Variants in FAF2 observed in about 807,000 individuals in gnomAD.
FAF2 encodes Fas associated factor family member 2, also known as FAS-associated factor 2.
FAF2 carries 9 observed loss-of-function variants against 62.3 expected under a neutral mutation model. The observed-to-expected ratio is 0.14, with a 90% CI of 0.09 to 0.25. FAF2 has a LOEUF of 0.25. Among genes scored for constraint, FAF2 ranks in the 10% least tolerant of loss-of-function variants. The probability of loss-of-function intolerance (pLI) is 1.00; values close to 1 mark genes in which losing one functional copy is unlikely to be tolerated. For missense variants in FAF2, 368 were observed against 556.2 expected (o/e 0.66, Z 3.40); for synonymous variants, 202 against 198.0 (o/e 1.02, Z -0.17).
chr5:176,480,956 AT>A (rs1758775631), intron 2 of FAF2, among the ~76,000 whole-genome samples: 1 of 152,186 alleles, frequency 6.6e-6, no homozygotes, highest in South Asian at 2.1e-4. Flanking sequence ...TTAAAGTATA[AT>A]TTAAAAAAAT....
chr5:176,493,745 G>A (rs912436586), intron 5 of FAF2, among the ~76,000 whole-genome samples: 2 of 152,184 alleles, frequency 1.3e-5, no homozygotes, highest in African/African-American at 4.8e-5. Flanking sequence ...CTACTCTCAT[G>A]TGTCTGTTAA....
intron 1 of FAF2, among the ~76,000 whole-genome samples, chr5:176,473,126 G>C (rs1266158826): frequency 2.6e-5 from 4 of 152,058 alleles, no homozygotes; most frequent in Non-Finnish European, 5.9e-5. Flanking sequence ...TCTTTATTCT[G>C]ATTCTCTTAG....
intron 1 of FAF2, among the ~76,000 whole-genome samples, chr5:176,452,859 T>C (rs1030015663): frequency 3.3e-5 from 5 of 152,214 alleles, no homozygotes; most frequent in Non-Finnish European, 5.9e-5. Context: ...TTTGCTTCAT[T>C]AGCAGTATGG....
At chr5:176,467,686 G>T (rs1758494830) in intron 1 of FAF2, among the ~76,000 whole-genome samples, 1 of 152,308 alleles carries the variant, frequency 6.6e-6, no homozygotes, top group African/African-American at 2.4e-5. Context: ...AGCACTTACT[G>T]TATACCCAAA....
intron 1 of FAF2, among the ~76,000 whole-genome samples, chr5:176,454,577 GAAAAAAAAAAAAAAAAAA>G (rs56324116): frequency 1.6e-3 from 156 of 95,312 alleles, no homozygotes; most frequent in Middle Eastern, 5.6e-3. Flanking sequence ...GATTCTGTCT[GAAAAAAAAAAAAAAAAAA>G]AAAAAAAAAA....
chr5:176,482,760 C>T (rs537150141), intron 2 of FAF2, among the ~76,000 whole-genome samples: 1 of 152,318 alleles, frequency 6.6e-6, no homozygotes, highest in East Asian at 1.9e-4. Context: ...CAGTGATTCT[C>T]CCAGCTTGTC....
At chr5:176,459,158 CT>C (rs533196057) in intron 1 of FAF2, among the ~76,000 whole-genome samples, 5 of 149,354 alleles carry the variant, frequency 3.3e-5, no homozygotes, top group African/African-American at 7.4e-5. Context: ...TTGTTGGATT[CT>C]TTTTTTTCTC....
At chr5:176,480,876 G>A (rs531209680) in intron 2 of FAF2, among the ~76,000 whole-genome samples, 78 of 151,976 alleles carry the variant, frequency 5.1e-4, no homozygotes, top group Admixed American at 9.2e-4. Context: ...GTTGATGGGT[G>A]CAGCAAACCA....
intron 1 of FAF2, among the ~76,000 whole-genome samples, chr5:176,462,136 C>T (rs957387170): frequency 6.6e-6 from 1 of 151,588 alleles, no homozygotes; most frequent in Non-Finnish European, 1.5e-5. Context: ...ATCAGCCAGG[C>T]GTGGTGGCAA....
chr5:176,486,407 A>G lies in FAF2; in HGVS notation c.185A>G (p.Asn62Ser), dbSNP rs369828433. 10 of 1,614,180 alleles carry G rather than the reference A, an allele frequency of 6.2e-6. No individual in the cohort carries two copies. Among genetic ancestry groups the G allele is most frequent in the East Asian group, 2.2e-5 (1 of 44,888 alleles). ...CAAGAGGGCGTACCTAGTGTTTTCA[A>G]CCCACCTCCATCACGACCCCTGCAG... ...NEQEGVPSVF[N>S]PPPSRPLQVN... Residue 62 changes from asparagine (N) to serine (S), a missense_variant, in exon 3 of 11, where the codon AAC (asparagine) becomes AGC (serine). This residue lies in a region of FAF2 where 331 missense variants were observed against 441.9 expected (regional missense o/e 0.75). Coordinates refer to ENST00000261942, the MANE Select transcript of FAF2 (RefSeq NM_014613.3).
At position 176,492,199 on chromosome 5, in the gene FAF2, C is replaced by T. The variant is rs759854470; in HGVS notation, c.350C>T (p.Ala117Val). 3.7e-6 allele frequency: 6 copies of T among 1,614,118 alleles called. No homozygotes were observed. Among genetic ancestry groups the T allele is most frequent in the South Asian group, 3.3e-5 (3 of 91,066 alleles). Residue 117 changes from alanine to valine, a missense_variant, in exon 5 of 11, where the codon GCT (alanine) becomes GTT (valine). Ala to Val is a moderately conservative substitution (Grantham distance 64). Around this residue, in one of 2 missense-constraint regions of FAF2, gnomAD observed 331 missense variants for 441.9 expected, o/e 0.75. Coordinates refer to ENST00000261942, the MANE Select transcript of FAF2 (RefSeq NM_014613.3). ...YYTILDIFRFALRFIRPDPRS... is the reference protein window; with the variant it reads ...YYTILDIFRFVLRFIRPDPRS... ...ATTTATTCCTTCCTCCCCAGGTTTG[C>T]TCTTCGTTTTATACGGCCTGACCCT... is the stretch of plus-strand genomic sequence containing the variant.
intron 1 of FAF2, among the ~76,000 whole-genome samples, chr5:176,451,438 C>A (rs1758167888): frequency 6.6e-6 from 1 of 152,012 alleles, no homozygotes; most frequent in African/African-American, 2.4e-5. Flanking sequence ...TCTCAAACTG[C>A]TGCCTCAGAG....
Position 176,507,435 on chromosome 5 carries a change from A to T in FAF2, c.*485A>T. 1 of 381,724 alleles carries T rather than the reference A, an allele frequency of 2.6e-6. No individual in the cohort carries two copies. The highest frequency in any genetic ancestry group is 3.1e-5 in the Admixed American group (1 of 32,112). 23.6% of individuals were successfully genotyped at this position (381,724 alleles called of 1,614,324 possible). A position where few individuals can be genotyped will look rare whatever the true frequency, so the allele number is the denominator to read the frequency against. The stretch of plus-strand genomic sequence containing the variant: ...GAAAGCACAGAGCAGAGAAGCAGAG[A>T]TGTTCCTTGAACTGCCCACAAGTTT... On this transcript the variant is annotated 3_prime_UTR_variant, in exon 11 of 11. Coordinates refer to ENST00000261942, the MANE Select transcript of FAF2 (RefSeq NM_014613.3).
intron 1 of FAF2, among the ~76,000 whole-genome samples, chr5:176,461,839 A>G (rs186150947): frequency 6.6e-6 from 1 of 152,152 alleles, no homozygotes; most frequent in Admixed American, 6.6e-5. Flanking sequence ...TTTTGTTGCA[A>G]ATGTTTTTGG....
chr5:176,490,292 G>A (rs1278466930), intron 4 of FAF2, among the ~76,000 whole-genome samples: 1 of 146,744 alleles, frequency 6.8e-6, no homozygotes, highest in Non-Finnish European at 1.5e-5. Flanking sequence ...GCCTGGGTGA[G>A]AGAGTGGGAC....
chr5:176,469,599 C>T (rs370453567), intron 1 of FAF2, among the ~76,000 whole-genome samples: 7 of 152,250 alleles, frequency 4.6e-5, no homozygotes, highest in East Asian at 1.9e-4. Context: ...ATAGTCCTTT[C>T]GAAATGCATT....
chr5:176,498,664 A>G lies in FAF2; in HGVS notation c.840-250A>G, dbSNP rs572880622. Among the ~76,000 whole-genome samples the G allele has an allele frequency of 3.3e-5, 5 of 152,298 alleles. No homozygotes were observed. In the South Asian group the frequency reaches 6.2e-4, roughly 19 times the overall value. ...TCACATTTGTTAGAATTAGGGGAAAAGTTTTATTTTAAAAGAGGAGAGGAA... is the reference window on the plus strand; with the variant it reads ...TCACATTTGTTAGAATTAGGGGAAAGGTTTTATTTTAAAAGAGGAGAGGAA... On this transcript the variant is annotated intron_variant, in intron 8 of 10. Coordinates refer to ENST00000261942, the MANE Select transcript of FAF2 (RefSeq NM_014613.3).
At position 176,486,296 on chromosome 5, in the gene FAF2, CTTG is replaced by C. The variant is rs978701637; in HGVS notation, c.133-52_133-50del. 28 of 1,603,538 alleles carry C rather than the reference CTTG, an allele frequency of 1.7e-5. No individual in the cohort carries two copies. In the East Asian group the frequency reaches 2.0e-4, roughly 12 times the overall value. On this transcript the variant is annotated intron_variant, in intron 2 of 10. Transcript: ENST00000261942. ...ATACCACGCAATAGTTGCCTCACCT[CTTG>C]TTGTTGGTTGATTTGAGCATCGCTG...
At position 176,489,154 on chromosome 5, in the gene FAF2, C is replaced by T. The variant is rs578114264; in HGVS notation, c.344+127C>T. 45 of 614,576 alleles carry T rather than the reference C, an allele frequency of 7.3e-5. 1 individual carries two copies. The highest frequency in any genetic ancestry group is 4.2e-4 in the Middle Eastern group (1 of 2,364). 38.1% of individuals were successfully genotyped at this position (614,576 alleles called of 1,614,324 possible). On this transcript the variant is annotated intron_variant, in intron 4 of 10. Transcript: ENST00000261942. ...TTGTCATGAGATGGAATACACTTCC[C>T]GAACTGTCTTTTAATACAACATACA...
Sources: allele counts gnomAD v4.1 joint callset (sites outside exome capture counted in the v4.1 genomes callset), GRCh38; gene constraint gnomAD v4.1.1; regional missense constraint gnomAD v4.1.1; transcripts MANE v1.5; gene names NCBI Gene and HGNC (gene_info 2026-07-23, HGNC 2026-07-21).